Variants in ATRNL1 observed in about 807,000 individuals in gnomAD.
The protein encoded by ATRNL1 is attractin like 1.
In ATRNL1, 95 loss-of-function variants were observed where a neutral mutation model predicts 182.7. That is an observed-to-expected ratio of 0.52 (90% CI 0.44 to 0.62). The LOEUF (loss-of-function observed/expected upper bound fraction) is 0.62. Ranked by LOEUF, ATRNL1 falls within the 20% of genes least tolerant of loss-of-function variation. The pLI, the probability that ATRNL1 is intolerant of heterozygous loss-of-function variation, is 0.00. For synonymous variants in ATRNL1, 576 were observed against 568.3 expected, an observed-to-expected ratio of 1.01 and a Z score of -0.19; for missense variants, 1,471 against 1,679.5, an observed-to-expected ratio of 0.88 and a Z score of 2.17.
At chr10:115,463,800 G>T (rs1847927239) in intron 22 of ATRNL1, among the ~76,000 whole-genome samples, 1 of 151,786 alleles carries the variant, frequency 6.6e-6, no homozygotes, top group Non-Finnish European at 1.5e-5. Flanking sequence ...GTGTTTCCAA[G>T]GTTCATCCAT....
At chr10:115,127,185 C>T (rs1047440397) in intron 3 of ATRNL1, among the ~76,000 whole-genome samples, 3 of 152,012 alleles carry the variant, frequency 2.0e-5, no homozygotes, top group Non-Finnish European at 1.5e-5. Flanking sequence ...CCAGCTTCAT[C>T]GGATTTTTAA....
chr10:115,249,505 A>G (rs1399921596), intron 10 of ATRNL1, among the ~76,000 whole-genome samples: 10 of 152,134 alleles, frequency 6.6e-5, no homozygotes, highest in African/African-American at 1.9e-4. Context: ...GTAATTATCT[A>G]TCCCTCACGT....
rs116922819 is a variant in ATRNL1 at position 115,417,408 on chromosome 10, A to G, written c.3270-8842A>G. On this transcript the variant is annotated intron_variant, in intron 20 of 28. Transcript: ENST00000355044. Reference sequence around the variant, plus strand: ...GATTGTGAGTCTGAGCCTCCTTGATAGGCTTGCCAAACTTATCTTTCAGTA... The same window carrying G: ...GATTGTGAGTCTGAGCCTCCTTGATGGGCTTGCCAAACTTATCTTTCAGTA... Among the ~76,000 whole-genome samples the G allele has an allele frequency of 2.0e-3, 307 of 152,274 alleles. 8 individuals carry two copies. In the East Asian group the frequency reaches 0.052, roughly 26 times the overall value.
chr10:115,427,282 G>A (rs1038045919), intron 21 of ATRNL1, among the ~76,000 whole-genome samples: 1 of 151,954 alleles, frequency 6.6e-6, no homozygotes, highest in East Asian at 1.9e-4. Flanking sequence ...TTCGATGAAG[G>A]GTCTGTTGAA....
At chr10:115,199,922 T>C (rs530739490) in intron 8 of ATRNL1, among the ~76,000 whole-genome samples, 142 of 152,268 alleles carry the variant, frequency 9.3e-4, no homozygotes, top group Middle Eastern at 3.4e-3. Context: ...TGTAGACAGG[T>C]GAACAGTTAC....
intron 28 of ATRNL1, among the ~76,000 whole-genome samples, chr10:115,868,933 C>A (rs1555105422): frequency 6.8e-6 from 1 of 146,432 alleles, no homozygotes; most frequent in East Asian, 2.0e-4. Context: ...AGGTTCACGC[C>A]ATTCTCCTGC....
chr10:115,317,935 G>A (rs954776339), intron 18 of ATRNL1, among the ~76,000 whole-genome samples: 38 of 152,160 alleles, frequency 2.5e-4, no homozygotes, highest in African/African-American at 8.4e-4. Context: ...GTACCATGTT[G>A]GATAGGAGTG....
At chr10:115,550,416 A>G (rs1315261319) in intron 26 of ATRNL1, among the ~76,000 whole-genome samples, 1 of 151,850 alleles carries the variant, frequency 6.6e-6, no homozygotes, top group Admixed American at 6.6e-5. Context: ...AGACATGTAA[A>G]AATAATCCAG....
At chr10:115,422,195 G>A (rs919429684) in intron 20 of ATRNL1, among the ~76,000 whole-genome samples, 4 of 152,040 alleles carry the variant, frequency 2.6e-5, no homozygotes, top group Admixed American at 6.6e-5. Context: ...GACAAATGGC[G>A]CCTAATTAAA....
chr10:115,618,670 T>C (rs1857562970), intron 26 of ATRNL1, among the ~76,000 whole-genome samples: 1 of 152,156 alleles, frequency 6.6e-6, no homozygotes, highest in Admixed American at 6.5e-5. Context: ...TTTTCAAGAT[T>C]TGGATTTTTA....
intron 5 of ATRNL1, among the ~76,000 whole-genome samples, chr10:115,158,088 CTGAA>C (rs147630213): frequency 0.012 from 1,883 of 152,096 alleles, 32 homozygotes; most frequent in African/African-American, 0.043. Flanking sequence ...CAAAGACTAT[CTGAA>C]TGTCCGTTTC....
At chr10:115,844,078 C>T (rs1555098072) in intron 27 of ATRNL1, among the ~76,000 whole-genome samples, 1 of 152,034 alleles carries the variant, frequency 6.6e-6, no homozygotes, top group East Asian at 1.9e-4. Context: ...CTGTGTTACC[C>T]ACCTGTGCCT....
intron 5 of ATRNL1, among the ~76,000 whole-genome samples, chr10:115,159,170 T>C (rs1554882705): frequency 6.6e-6 from 1 of 151,586 alleles, no homozygotes; most frequent in Non-Finnish European, 1.5e-5. Context: ...ATATAATTTA[T>C]AAATGTATGT....
intron 28 of ATRNL1, among the ~76,000 whole-genome samples, chr10:115,943,134 T>A (rs10490988): frequency 0.16 from 23,999 of 152,222 alleles, 2,062 homozygotes; most frequent in Non-Finnish European, 0.2. Context: ...GTCAGCTAAA[T>A]GTCAAGTGGT....
intron 5 of ATRNL1, among the ~76,000 whole-genome samples, chr10:115,145,659 C>G (rs1303960117): frequency 6.6e-6 from 1 of 152,114 alleles, no homozygotes; most frequent in Non-Finnish European, 1.5e-5. Flanking sequence ...AGAACACTTG[C>G]ATTGAAATCT....
chr10:115,656,985 A>C (rs1489654758), intron 26 of ATRNL1, among the ~76,000 whole-genome samples: 1 of 152,158 alleles, frequency 6.6e-6, no homozygotes, highest in Admixed American at 6.6e-5. Context: ...AGAAGCGATG[A>C]TGTTACATAA....
At chr10:115,679,811 C>T (rs1322570282) in intron 26 of ATRNL1, among the ~76,000 whole-genome samples, 2 of 152,034 alleles carry the variant, frequency 1.3e-5, no homozygotes, top group African/African-American at 4.8e-5. Context: ...AATTGCAAGG[C>T]CTCAAATTTT....
At chr10:115,919,096 C>A (rs1413256140) in intron 28 of ATRNL1, among the ~76,000 whole-genome samples, 1 of 152,174 alleles carries the variant, frequency 6.6e-6, no homozygotes, top group Non-Finnish European at 1.5e-5. Context: ...CACTGAGGTC[C>A]ACAGTTCCAG....
At chr10:115,195,235 A>T (rs1333627946) in intron 8 of ATRNL1, among the ~76,000 whole-genome samples, 1 of 152,024 alleles carries the variant, frequency 6.6e-6, no homozygotes, top group Non-Finnish European at 1.5e-5. Context: ...TTGTTTGTTA[A>T]TATCCTCTTG....
Sources: gnomAD v4.1 joint callset for allele counts (sites outside exome capture counted in the v4.1 genomes callset) on GRCh38, gnomAD v4.1.1 for gene constraint, MANE v1.5 for transcripts, NCBI Gene and HGNC (gene_info 2026-07-23, HGNC 2026-07-21) for gene names.